Variants in NGF observed in about 807,000 individuals in gnomAD.
The protein encoded by NGF is nerve growth factor, also known as beta-nerve growth factor.
A neutral mutation model predicts 12.8 loss-of-function variants in NGF; 4 were observed. The observed-to-expected ratio is 0.31, with a 90% CI of 0.15 to 0.72. The LOEUF (loss-of-function observed/expected upper bound fraction) is 0.72, where lower values mean the gene tolerates loss of function less well. Among genes scored for constraint, NGF ranks in the 30% least tolerant of loss-of-function variants. The pLI, the probability that NGF is intolerant of heterozygous loss-of-function variation, is 0.69. For synonymous variants in NGF, 140 were observed against 130.0 expected (o/e 1.08, Z -0.52); for missense variants, 283 against 330.8 (o/e 0.86, Z 1.12).
chr1:115,333,025 A>G (rs536876010), intron 1 of NGF, among the ~76,000 whole-genome samples: 2 of 152,288 alleles, frequency 1.3e-5, no homozygotes, highest in Admixed American at 6.5e-5. Context: ...AAGTCACTCC[A>G]TTACTAATGA....
chr1:115,316,112 C>T (rs1041631110), intron 1 of NGF, among the ~76,000 whole-genome samples: 1 of 152,188 alleles, frequency 6.6e-6, no homozygotes, highest in African/African-American at 2.4e-5. Context: ...GAGAGACCAT[C>T]TGTCGGAGTG....
chr1:115,308,534 G>T (rs1373099752), intron 1 of NGF, among the ~76,000 whole-genome samples: 1 of 152,170 alleles, frequency 6.6e-6, no homozygotes, highest in Non-Finnish European at 1.5e-5. Context: ...ACTTCAACAT[G>T]AGGTTTCTAA....
At chr1:115,303,443 ACACCATCATCACCACTACTTTCTCCAT>A (rs1445310623) in intron 1 of NGF, among the ~76,000 whole-genome samples, 18 of 151,582 alleles carry the variant, frequency 1.2e-4, no homozygotes, top group Admixed American at 7.9e-4. Flanking sequence ...ACCTCCTCCA[ACACCATCATCACCACTACTTTCTCCAT>A]CACCATCATC....
chr1:115,322,752 G>T (rs965598586), intron 1 of NGF, among the ~76,000 whole-genome samples: 1 of 152,090 alleles, frequency 6.6e-6, no homozygotes, highest in African/African-American at 2.4e-5. Flanking sequence ...TTTTGCAGCT[G>T]GCTTAATGGG....
intron 1 of NGF, among the ~76,000 whole-genome samples, chr1:115,300,182 A>G (rs1653993366): frequency 6.6e-6 from 1 of 152,206 alleles, no homozygotes; most frequent in Non-Finnish European, 1.5e-5. Flanking sequence ...ATGTTACAAC[A>G]CATAAGACTA....
intron 1 of NGF, among the ~76,000 whole-genome samples, chr1:115,328,446 G>A (rs1431012208): frequency 6.6e-6 from 1 of 152,166 alleles, no homozygotes; most frequent in Non-Finnish European, 1.5e-5. Context: ...TAGGATCAGG[G>A]TTTACCTGAA....
At chr1:115,309,826 A>T (rs528440715) in intron 1 of NGF, among the ~76,000 whole-genome samples, 1 of 150,842 alleles carries the variant, frequency 6.6e-6, no homozygotes, top group Non-Finnish European at 1.5e-5. Context: ...AAACAGAATC[A>T]TGTATTTTAA....
intron 2 of NGF, among the ~76,000 whole-genome samples, chr1:115,289,041 T>G (rs1474663668): frequency 6.6e-6 from 1 of 152,230 alleles, no homozygotes; most frequent in Non-Finnish European, 1.5e-5. Flanking sequence ...TGAAGAATGT[T>G]TCTGTTTGCT....
chr1:115,291,137 T>C (rs1449547193), intron 2 of NGF, among the ~76,000 whole-genome samples: 1 of 152,194 alleles, frequency 6.6e-6, no homozygotes, highest in Non-Finnish European at 1.5e-5. Flanking sequence ...CTTGAAAATG[T>C]CTCAAATATA....
intron 1 of NGF, among the ~76,000 whole-genome samples, chr1:115,333,662 TTTCTTTCTTTC>T (rs1167965296): frequency 4.0e-5 from 1 of 24,838 alleles, no homozygotes; most frequent in Non-Finnish European, 6.4e-5. Context: ...TTTCTCTTTC[TTTCTTTCTTTC>T]TTTCTTTCTT....
chr1:115,304,842 G>T (rs1373724591), intron 1 of NGF, among the ~76,000 whole-genome samples: 2 of 152,146 alleles, frequency 1.3e-5, no homozygotes, highest in Admixed American at 6.5e-5. Flanking sequence ...GCTGTCTGAG[G>T]AGGAGGCCTA....
chr1:115,303,638 T>C (rs986068198), intron 1 of NGF, among the ~76,000 whole-genome samples: 4 of 152,130 alleles, frequency 2.6e-5, no homozygotes, highest in Non-Finnish European at 5.9e-5. Context: ...CATATTGCCA[T>C]GATTACCATC....
At chr1:115,323,575 C>A (rs1444440646) in intron 1 of NGF, among the ~76,000 whole-genome samples, 1 of 152,122 alleles carries the variant, frequency 6.6e-6, no homozygotes, top group Non-Finnish European at 1.5e-5. Context: ...GTGGGAAAAT[C>A]CATATTTCTA....
intron 1 of NGF, among the ~76,000 whole-genome samples, chr1:115,336,857 C>G (rs1204196608): frequency 6.6e-6 from 1 of 152,208 alleles, no homozygotes; most frequent in Non-Finnish European, 1.5e-5. Context: ...CAGAGTGCAG[C>G]TGGCTGTGCA....
chr1:115,314,558 G>GCT (rs1449048684), intron 1 of NGF, among the ~76,000 whole-genome samples: 1 of 152,202 alleles, frequency 6.6e-6, no homozygotes, highest in African/African-American at 2.4e-5. Flanking sequence ...CACTTAATGA[G>GCT]CACCTGTTCT....
chr1:115,334,339 A>C (rs565560936), intron 1 of NGF, among the ~76,000 whole-genome samples: 1 of 152,312 alleles, frequency 6.6e-6, no homozygotes, highest in South Asian at 2.1e-4. Flanking sequence ...CCAGTGCTGC[A>C]GACTCCACAG....
At chr1:115,329,706 T>C (rs1654863224) in intron 1 of NGF, among the ~76,000 whole-genome samples, 1 of 151,980 alleles carries the variant, frequency 6.6e-6, no homozygotes, top group Non-Finnish European at 1.5e-5. Flanking sequence ...ACTAAGTTGA[T>C]TTCACAACCT....
At chr1:115,296,818 T>G (rs1653885330) in intron 1 of NGF, among the ~76,000 whole-genome samples, 1 of 152,234 alleles carries the variant, frequency 6.6e-6, no homozygotes, top group Admixed American at 6.5e-5. Context: ...AAATCCAATT[T>G]AAATATTACA....
chr1:115,321,125 T>C (rs971862820), intron 1 of NGF, among the ~76,000 whole-genome samples: 1 of 152,176 alleles, frequency 6.6e-6, no homozygotes. Flanking sequence ...CACGTGGAAC[T>C]CTCCTTCATG....
Sources: gnomAD v4.1 joint callset for allele counts (sites outside exome capture counted in the v4.1 genomes callset) on GRCh38, gnomAD v4.1.1 for gene constraint, MANE v1.5 for transcripts, NCBI Gene and HGNC (gene_info 2026-07-23, HGNC 2026-07-21) for gene names.